Variants in TTYH3 observed in about 807,000 individuals in gnomAD.
TTYH3 encodes the protein protein tweety homolog 3.
Under a neutral mutation model 68.2 loss-of-function variants are expected in TTYH3, and 23 were observed. The observed-to-expected ratio is 0.34, with a 90% CI of 0.24 to 0.48. TTYH3 has a LOEUF of 0.48. Ranked by LOEUF, TTYH3 falls within the 20% of genes least tolerant of loss-of-function variation. The pLI, the probability that TTYH3 is intolerant of heterozygous loss-of-function variation, is 0.99. For missense variants in TTYH3, 768 were observed against 727.7 expected (o/e 1.06, Z -0.64); for synonymous variants, 360 against 332.8 (o/e 1.08, Z -0.89).
chr7:2,634,913 T>C (rs1393990416), intron 1 of TTYH3, among the ~76,000 whole-genome samples: 1 of 152,068 alleles, frequency 6.6e-6, no homozygotes, highest in Non-Finnish European at 1.5e-5. Context: ...GCTCCCCGGA[T>C]TCCCCCACGG....
At chr7:2,654,259 G>T (rs1786272381) in intron 9 of TTYH3, among the ~76,000 whole-genome samples, 1 of 152,080 alleles carries the variant, frequency 6.6e-6, no homozygotes, top group Admixed American at 6.6e-5. Context: ...GCTAGGTGTG[G>T]CAAAGCATGC....
rs1785951832 is a variant in TTYH3, at chr7:2,645,322, C to T, written c.124-1531C>T. On this transcript the variant is annotated intron_variant, in intron 1 of 13. Coordinates refer to ENST00000258796, the MANE Select transcript of TTYH3 (RefSeq NM_025250.3). This position sits in a 1 kb window ranked among gnomAD's most constrained non-coding sequence, Gnocchi z 4.8. Reference sequence around the variant, plus strand: ...GCTTTCTCTGTAGCTTCTATGAAGCCCAGTTTCCCTGTGGATGAAATGGGG... The same window carrying T: ...GCTTTCTCTGTAGCTTCTATGAAGCTCAGTTTCCCTGTGGATGAAATGGGG... 1.3e-5 allele frequency among the ~76,000 whole-genome samples: 2 copies of T among 152,176 alleles called. No individual in the cohort carries two copies. The highest frequency in any genetic ancestry group is 4.8e-5 in the African/African-American group (2 of 41,410).
intron 3 of TTYH3, 65 bp downstream of exon 3, chr7:2,647,318 G>A: frequency 6.6e-7 from 1 of 1,521,834 alleles, no homozygotes. Flanking sequence ...GTCTGCGCGA[G>A]GACGGGCGGG....
At chr7:2,639,520 C>T (rs541972282) in intron 1 of TTYH3, among the ~76,000 whole-genome samples, 28 of 152,194 alleles carry the variant, frequency 1.8e-4, no homozygotes, top group Non-Finnish European at 2.9e-4. Flanking sequence ...CTAGCGCGGC[C>T]GAGCTGTCTG....
rs776582638 is a variant in TTYH3, at chr7:2,656,499, C to A, written c.1215C>A (p.Ile405=). ...SFVTALMFSS[I]VCSVPHTWQQ... The stretch of plus-strand genomic sequence containing the variant: ...TCACAGCCCTCATGTTCAGCTCCAT[C>A]GTCTGCAGCGTCCCGCACACCTGGC... The change falls in exon 11 of 14, where the codon ATC becomes ATA. Residue 405 remains isoleucine, a synonymous_variant. Coordinates refer to ENST00000258796, the MANE Select transcript of TTYH3 (RefSeq NM_025250.3). The A allele has an allele frequency of 1.1e-5, 18 of 1,609,712 alleles. No homozygotes were observed. Among genetic ancestry groups the A allele is most frequent in the Non-Finnish European group, 2.5e-6 (3 of 1,178,808 alleles).
intron 11 of TTYH3, 124 bp downstream of exon 11, chr7:2,656,658 A>C (rs1583575464): frequency 8.4e-7 from 1 of 1,193,134 alleles, no homozygotes; most frequent in Non-Finnish European, 1.1e-6. Context: ...ACACCTCCTC[A>C]CCTCGTGACC....
intron 1 of TTYH3, among the ~76,000 whole-genome samples, chr7:2,637,690 G>A (rs1251289132): frequency 2.0e-5 from 3 of 152,184 alleles, no homozygotes; most frequent in Admixed American, 1.3e-4. Flanking sequence ...CGTGGCCACC[G>A]GGGAATTGGC....
In TTYH3 at chr7:2,658,950, G is replaced by T; in HGVS notation, c.1435G>T (p.Ala479Ser). 6.2e-7 allele frequency: 1 copy of T among 1,614,038 alleles called. No individual in the cohort carries two copies. The highest frequency in any genetic ancestry group is 8.5e-7 in the Non-Finnish European group (1 of 1,179,916). ...CCCCTCATGCCTCAGGAGCCAGAAC[G>T]CTAATTTCCAGAACCCCCGCTGTGA... ...APVTEYMSQN[A>S]NFQNPRCENT... Residue 479 changes from alanine (A) to serine (S), a missense_variant, in exon 13 of 14, where the codon GCT (alanine) becomes TCT (serine). Physicochemically the swap from Ala to Ser is moderately conservative, Grantham distance 99. Coordinates refer to ENST00000258796, the MANE Select transcript of TTYH3 (RefSeq NM_025250.3).
intron 13 of TTYH3, 85 bp from the exon 14 acceptor site, chr7:2,661,583 C>T (rs1583580069): frequency 1.5e-6 from 2 of 1,360,326 alleles, no homozygotes; most frequent in East Asian, 5.0e-5. Context: ...GTTGGCTCAG[C>T]CAAGTGAGGA....
Position 2,632,033 on chromosome 7 carries a change from C to T in TTYH3, c.-123C>T. The T allele has an allele frequency of 4.5e-6, 4 of 893,264 alleles. No individual in the cohort carries two copies. The highest frequency in any genetic ancestry group is 5.6e-6 in the Non-Finnish European group (4 of 709,724). The allele number at this position is 893,264 out of a possible 1,614,324, so 55.3% of individuals were successfully genotyped here. A position where few individuals can be genotyped will look rare whatever the true frequency, so the allele number is the denominator to read the frequency against. On this transcript the variant is annotated 5_prime_UTR_variant, in exon 1 of 14. Coordinates refer to ENST00000258796, the MANE Select transcript of TTYH3 (RefSeq NM_025250.3). ...CGGGCCGAGCCGGGCCGGGCCGGGC[C>T]CAGGAGCGCGCGGATGATGCGGGCG...
Position 2,649,913 on chromosome 7 carries a change from G to A in TTYH3, c.796G>A (p.Gly266Ser). 1 of 1,613,808 alleles carries A rather than the reference G, an allele frequency of 6.2e-7. No homozygotes were observed. Among genetic ancestry groups the A allele is most frequent in the Non-Finnish European group, 8.5e-7 (1 of 1,179,914 alleles). Residue 266 changes from glycine (G) to serine (S), a missense_variant and splice_region_variant, in exon 7 of 14, where the codon GGC becomes AGC. By Grantham distance (56) the Gly-to-Ser change is moderately conservative (BLOSUM62 0). Transcript: ENST00000258796. ...ALGLELAVSV[G>S]SSDFCVDPDA... Reference sequence around the variant, plus strand: ...TCTTGCTTGCCCACGCCCACCTCAGGGCTCCAGCGACTTCTGTGTGGACCC... The same window carrying A: ...TCTTGCTTGCCCACGCCCACCTCAGAGCTCCAGCGACTTCTGTGTGGACCC...
intron 7 of TTYH3, among the ~76,000 whole-genome samples, chr7:2,650,407 G>A (rs867034497): frequency 6.6e-6 from 1 of 152,100 alleles, no homozygotes; most frequent in Non-Finnish European, 1.5e-5. Context: ...GCAAAACCCT[G>A]TCTCTACTAA....
intron 1 of TTYH3, among the ~76,000 whole-genome samples, chr7:2,640,991 T>TCCTGG (rs1785826733): frequency 6.6e-6 from 1 of 152,182 alleles, no homozygotes; most frequent in African/African-American, 2.4e-5. Flanking sequence ...GGGGACATCC[T>TCCTGG]GGAGGAGATG....
chr7:2,654,921 C>A (rs1310576410), intron 9 of TTYH3, among the ~76,000 whole-genome samples: 2 of 152,052 alleles, frequency 1.3e-5, no homozygotes, highest in African/African-American at 2.4e-5. Flanking sequence ...ATTACAGGCG[C>A]CTGCAGCGCA....
rs1242511356 is a variant in TTYH3 at position 2,647,614 on chromosome 7, A to G, written c.602A>G (p.Gln201Arg). The change falls in exon 4 of 14, where the codon CAG (glutamine) becomes CGG (arginine). Residue 201 changes from glutamine to arginine, a missense_variant. Coordinates refer to ENST00000258796, the MANE Select transcript of TTYH3 (RefSeq NM_025250.3). ...GTGTCGCTGGAGGTGCTGGCGGAGC[A>G]GGTGGATCTCTACGACTGGTACAGG... is the stretch of plus-strand genomic sequence containing the variant. ...TAVSLEVLAE[Q>R]VDLYDWYRWL... 1.4e-5 allele frequency: 22 copies of G among 1,572,550 alleles called. No homozygotes were observed. The highest frequency in any genetic ancestry group is 1.8e-5 in the Non-Finnish European group (21 of 1,159,864).
intron 11 of TTYH3, among the ~76,000 whole-genome samples, chr7:2,657,027 C>T (rs1786354261): frequency 6.6e-6 from 1 of 152,260 alleles, no homozygotes; most frequent in Non-Finnish European, 1.5e-5. Flanking sequence ...GCCAGCTCCC[C>T]TGGAGCCACT....
chr7:2,656,526 G>T lies in TTYH3; in HGVS notation c.1242G>T (p.Gln414His), dbSNP rs748665025. 14 of 1,602,302 alleles carry T rather than the reference G, an allele frequency of 8.7e-6. No homozygotes were observed. The highest frequency in any genetic ancestry group is 1.3e-5 in the African/African-American group (1 of 74,396). Reference protein sequence around the residue: ...SIVCSVPHTWQQKRGPDEDGE... With the variant: ...SIVCSVPHTWHQKRGPDEDGE... Reference sequence around the variant, plus strand: ...TCTGCAGCGTCCCGCACACCTGGCAGCAAAAGAGGTGAGGGGCCCTGGGGG... The same window carrying T: ...TCTGCAGCGTCCCGCACACCTGGCATCAAAAGAGGTGAGGGGCCCTGGGGG... The change falls in exon 11 of 14, where the codon CAG (glutamine) becomes CAT (histidine). Residue 414 changes from glutamine (Q) to histidine (H), a missense_variant. By Grantham distance (24) the Gln-to-His change is conservative. Coordinates refer to ENST00000258796, the MANE Select transcript of TTYH3 (RefSeq NM_025250.3).
intron 12 of TTYH3, among the ~76,000 whole-genome samples, 165 bp downstream of exon 12, chr7:2,658,624 G>A (rs898658906): frequency 6.6e-6 from 1 of 152,224 alleles, no homozygotes; most frequent in South Asian, 2.1e-4. Flanking sequence ...CACGGTCCAG[G>A]GGCCATGGAG....
intron 1 of TTYH3, among the ~76,000 whole-genome samples, chr7:2,643,046 C>G (rs1015713915): frequency 7.2e-6 from 1 of 139,188 alleles, no homozygotes; most frequent in Non-Finnish European, 1.5e-5. Context: ...TTGGGCATCA[C>G]CAGTGAAATT....
Sources: gnomAD v4.1 joint callset for allele counts (sites outside exome capture counted in the v4.1 genomes callset) on GRCh38, gnomAD v4.1.1 for gene constraint, Gnocchi (gnomAD v3.1) non-coding constraint, MANE v1.5 for transcripts, NCBI Gene and HGNC (gene_info 2026-07-23, HGNC 2026-07-21) for gene names.